The following MIPOL1 variants were observed in gnomAD, a reference collection of about 807,000 sequenced individuals.
MIPOL1 encodes the protein mirror-image polydactyly 1.
A neutral mutation model predicts 60.9 loss-of-function variants in MIPOL1; 57 were observed. The observed-to-expected ratio is 0.94, with a 90% CI of 0.76 to 1.17. MIPOL1 has a LOEUF of 1.17. Among genes scored for constraint, MIPOL1 ranks in the 50% most tolerant of loss-of-function variants. MIPOL1 has a pLI of 0.00. For synonymous variants in MIPOL1, 179 were observed against 168.8 expected (o/e 1.06, Z -0.47); for missense variants, 551 against 511.6 (o/e 1.08, Z -0.74).
intron 1 of MIPOL1, among the ~76,000 whole-genome samples, chr14:37,234,371 T>TTTTC (rs1384624378): frequency 6.6e-6 from 1 of 151,658 alleles, no homozygotes. Context: ...CTTTTTTTTT[T>TTTTC]TTTCAGGTGG....
intron 9 of MIPOL1, among the ~76,000 whole-genome samples, chr14:37,367,928 A>G (rs1287581803): frequency 6.6e-6 from 1 of 152,064 alleles, no homozygotes; most frequent in Non-Finnish European, 1.5e-5. Context: ...ATATTTTGTT[A>G]CTGGCTATAA....
intron 6 of MIPOL1, chr14:37,276,592 A>G (rs1420166336): frequency 3.3e-5 from 5 of 151,138 alleles, no homozygotes; most frequent in Non-Finnish European, 6.0e-5. Context: ...CCATCTAATT[A>G]AGAGGAACAA....
intron 1 of MIPOL1, among the ~76,000 whole-genome samples, chr14:37,228,487 G>T (rs192924819): frequency 6.6e-6 from 1 of 151,916 alleles, no homozygotes; most frequent in Non-Finnish European, 1.5e-5. Flanking sequence ...CTAAAAAACC[G>T]TTTAGTTTCT....
chr14:37,313,270 A>G (rs1219332307), intron 9 of MIPOL1, among the ~76,000 whole-genome samples: 2 of 152,138 alleles, frequency 1.3e-5, no homozygotes, highest in Non-Finnish European at 2.9e-5. Context: ...ACTAGCCAGG[A>G]TTGGTGATTT....
intron 9 of MIPOL1, among the ~76,000 whole-genome samples, chr14:37,350,144 T>A (rs1188765403): frequency 1.3e-5 from 2 of 152,230 alleles, no homozygotes; most frequent in African/African-American, 2.4e-5. Flanking sequence ...AGAGCATAAC[T>A]CACTGTAGCC....
intron 12 of MIPOL1, chr14:37,503,639 C>A (rs988766668): frequency 3.9e-5 from 6 of 152,080 alleles, no homozygotes; most frequent in South Asian, 4.1e-4. Context: ...TGGAACAAGC[C>A]ACTGCAAAAA....
At chr14:37,236,723 C>T (rs2153333256) in intron 1 of MIPOL1, among the ~76,000 whole-genome samples, 1 of 152,120 alleles carries the variant, frequency 6.6e-6, no homozygotes, top group African/African-American at 2.4e-5. Context: ...CAGGTGTGAG[C>T]TACCACGCCT....
At chr14:37,353,692 G>C (rs375248577) in intron 9 of MIPOL1, among the ~76,000 whole-genome samples, 2 of 151,914 alleles carry the variant, frequency 1.3e-5, no homozygotes, top group African/African-American at 4.8e-5. Context: ...GTTTATTTGC[G>C]TAGAGGTGTT....
At position 37,458,415 on chromosome 14, in the gene MIPOL1, G is replaced by A. The variant is rs140006965; in HGVS notation, c.1031+35466G>A. ...ATTTTACACAATAGATAATATGTTGGGCCATAAAACAAGTCTTAATAAATT... is the reference window on the plus strand; with the variant it reads ...ATTTTACACAATAGATAATATGTTGAGCCATAAAACAAGTCTTAATAAATT... On this transcript the variant is annotated intron_variant, in intron 11 of 12. Coordinates refer to ENST00000684589, the MANE Select transcript of MIPOL1 (RefSeq NM_001388067.1). 5.1e-3 allele frequency among the ~76,000 whole-genome samples: 771 copies of A among 152,140 alleles called. 5 individuals are homozygous for A. The highest frequency in any genetic ancestry group is 0.017 in the African/African-American group (724 of 41,490).
At chr14:37,354,789 G>A (rs1326654897) in intron 9 of MIPOL1, among the ~76,000 whole-genome samples, 1 of 103,548 alleles carries the variant, frequency 9.7e-6, no homozygotes, top group East Asian at 2.9e-4. Context: ...TTTATTTTGA[G>A]CCTATGTGTG....
intron 11 of MIPOL1, among the ~76,000 whole-genome samples, chr14:37,450,175 A>G (rs920889827): frequency 1.3e-5 from 2 of 151,390 alleles, no homozygotes; most frequent in African/African-American, 4.9e-5. Flanking sequence ...TGTCACTCTT[A>G]ATTTCTGTTT....
chr14:37,500,801 C>A (rs993692825), intron 12 of MIPOL1, among the ~76,000 whole-genome samples: 8 of 152,114 alleles, frequency 5.3e-5, no homozygotes, highest in Non-Finnish European at 1.0e-4. Context: ...TTCTGAGACA[C>A]CTTTAATGTA....
At chr14:37,534,443 A>G (rs1256287428) in intron 12 of MIPOL1, among the ~76,000 whole-genome samples, 1 of 152,172 alleles carries the variant, frequency 6.6e-6, no homozygotes, top group Non-Finnish European at 1.5e-5. Flanking sequence ...ATTTCAACCC[A>G]TTACTTTAGA....
intron 11 of MIPOL1, among the ~76,000 whole-genome samples, chr14:37,461,550 T>A (rs981048285): frequency 6.6e-6 from 1 of 152,120 alleles, no homozygotes; most frequent in South Asian, 2.1e-4. Flanking sequence ...ATCTTCACAT[T>A]TCAAAACCAA....
intron 9 of MIPOL1, among the ~76,000 whole-genome samples, chr14:37,347,363 A>G (rs1286136735): frequency 6.6e-6 from 1 of 152,222 alleles, no homozygotes; most frequent in East Asian, 1.9e-4. Context: ...AAATTAAAAA[A>G]TATGTGAATA....
intron 11 of MIPOL1, among the ~76,000 whole-genome samples, chr14:37,462,581 G>T (rs1322583602): frequency 6.6e-6 from 1 of 152,124 alleles, no homozygotes; most frequent in Non-Finnish European, 1.5e-5. Context: ...TTTATGCTCT[G>T]TTTCCTTTCT....
chr14:37,445,786 G>C (rs1226234557), intron 11 of MIPOL1, among the ~76,000 whole-genome samples: 2 of 152,094 alleles, frequency 1.3e-5, no homozygotes, highest in Non-Finnish European at 2.9e-5. Context: ...ACAACTGTCT[G>C]ATCTTTGACA....
intron 10 of MIPOL1, among the ~76,000 whole-genome samples, chr14:37,399,540 G>T (rs2093441945): frequency 6.6e-6 from 1 of 152,064 alleles, no homozygotes; most frequent in Admixed American, 6.6e-5. Context: ...TCTTAGAAAG[G>T]ATGGTGATAA....
At position 37,308,525 on chromosome 14, in the gene MIPOL1, T is replaced by C. The variant is rs781545907; in HGVS notation, c.828+6T>C. ...GGGATGCTGCCTTGTCTAAGGTAACTCTGCATATATCTGTAAAAGCATATA... is the reference window on the plus strand; with the variant it reads ...GGGATGCTGCCTTGTCTAAGGTAACCCTGCATATATCTGTAAAAGCATATA... On this transcript the variant is annotated splice_donor_region_variant and intron_variant, in intron 9 of 12. Transcript: ENST00000684589. The C allele has an allele frequency of 1.3e-6, 2 of 1,536,270 alleles. No homozygotes were observed. Among genetic ancestry groups the C allele is most frequent in the East Asian group, 4.7e-5 (2 of 42,738 alleles).
Sources: gnomAD v4.1 joint callset for allele counts (sites outside exome capture counted in the v4.1 genomes callset) on GRCh38, gnomAD v4.1.1 for gene constraint, MANE v1.5 for transcripts, NCBI Gene and HGNC (gene_info 2026-07-23, HGNC 2026-07-21) for gene names.